Variants in EPHA6 observed in about 807,000 individuals in gnomAD.
EPHA6 encodes EPH receptor A6, also known as ephrin type-A receptor 6.
A neutral mutation model predicts 112.0 loss-of-function variants in EPHA6; 50 were observed. That is an observed-to-expected ratio of 0.45 (90% CI 0.36 to 0.56). The LOEUF (loss-of-function observed/expected upper bound fraction) is 0.56. EPHA6 is among the 20% of genes least tolerant of loss of function. The probability of loss-of-function intolerance (pLI) is 0.00; values close to 1 mark genes in which losing one functional copy is unlikely to be tolerated. For missense variants in EPHA6, 1,280 were observed against 1,417.4 expected (o/e 0.90, Z 1.56); for synonymous variants, 529 against 490.7 (o/e 1.08, Z -1.03).
intron 2 of EPHA6, among the ~76,000 whole-genome samples, chr3:96,868,768 T>C (rs77264170): frequency 0.023 from 3,468 of 152,116 alleles, 139 homozygotes; most frequent in African/African-American, 0.079. Context: ...AAAAAACTCT[T>C]CCTATAAAGA....
intron 1 of EPHA6, among the ~76,000 whole-genome samples, chr3:96,851,080 A>G (rs1183564582): frequency 1.3e-5 from 2 of 152,108 alleles, no homozygotes; most frequent in Non-Finnish European, 2.9e-5. Context: ...CTAATTAAGA[A>G]TATGGAATTA....
chr3:97,720,467 G>GTGTTAT lies in EPHA6; in HGVS notation c.2934+57_2934+58insTGTTAT, dbSNP rs1576349772. ...TGTGAATGTAAACACATTAGCTTGA[G>GTGTTAT]GGGGAATTATGCCTTTTGTCCTCAC... On this transcript the variant is annotated intron_variant, in intron 15 of 17. Coordinates refer to ENST00000389672, the MANE Select transcript of EPHA6 (RefSeq NM_001080448.3). The GTGTTAT allele has an allele frequency of 1.5e-5, 22 of 1,475,860 alleles. No individual in the cohort carries two copies. The East Asian group carries it at 5.2e-4, about 35-fold the overall frequency. 91.4% of individuals were successfully genotyped at this position (1,475,860 alleles called of 1,614,324 possible).
intron 3 of EPHA6, among the ~76,000 whole-genome samples, chr3:97,128,654 G>A (rs181823720): frequency 1.3e-5 from 2 of 151,808 alleles, no homozygotes; most frequent in Admixed American, 6.6e-5. Flanking sequence ...AGCTGGAACC[G>A]CAGGCACAGA....
intron 2 of EPHA6, among the ~76,000 whole-genome samples, chr3:96,873,080 C>T (rs894769561): frequency 1.3e-5 from 2 of 151,864 alleles, no homozygotes; most frequent in African/African-American, 4.8e-5. Context: ...CCAACCTGGC[C>T]AACATGGTGA....
intron 6 of EPHA6, among the ~76,000 whole-genome samples, chr3:97,431,166 TTTG>T (rs1359620135): frequency 6.6e-6 from 1 of 152,144 alleles, no homozygotes; most frequent in African/African-American, 2.4e-5. Context: ...TTTTTGAAAG[TTTG>T]TTATCTCAAT....
At chr3:97,225,566 A>G (rs1425405824) in intron 3 of EPHA6, among the ~76,000 whole-genome samples, 3 of 152,164 alleles carry the variant, frequency 2.0e-5, no homozygotes, top group Admixed American at 6.6e-5. Flanking sequence ...TTTATTAATA[A>G]GTTATTGAAG....
At chr3:97,324,405 T>TTTCC (rs2082269089) in intron 5 of EPHA6, among the ~76,000 whole-genome samples, 1 of 104,492 alleles carries the variant, frequency 9.6e-6, no homozygotes, top group Admixed American at 1.1e-4. Flanking sequence ...GCTTTCCTTC[T>TTTCC]TTTCTTTCTT....
intron 3 of EPHA6, among the ~76,000 whole-genome samples, chr3:97,060,911 C>G (rs1244173368): frequency 8.8e-6 from 1 of 113,690 alleles, no homozygotes; most frequent in Non-Finnish European, 1.7e-5. Context: ...GCGACAGAGC[C>G]AGACTCCGTC....
chr3:97,193,866 A>T (rs193183676), intron 3 of EPHA6, among the ~76,000 whole-genome samples: 2 of 152,122 alleles, frequency 1.3e-5, no homozygotes, highest in East Asian at 3.9e-4. Context: ...ATTGAATTTT[A>T]TCCAATGCTT....
At chr3:97,626,866 A>G (rs888652724) in intron 13 of EPHA6, among the ~76,000 whole-genome samples, 1 of 151,798 alleles carries the variant, frequency 6.6e-6, no homozygotes, top group Non-Finnish European at 1.5e-5. Flanking sequence ...CCATAATACT[A>G]GGTTGATGTT....
chr3:97,116,921 A>C (rs1048263108), intron 3 of EPHA6, among the ~76,000 whole-genome samples: 2 of 151,612 alleles, frequency 1.3e-5, no homozygotes, highest in Admixed American at 1.3e-4. Flanking sequence ...ACCATTTTTC[A>C]TAATTATTTA....
intron 2 of EPHA6, among the ~76,000 whole-genome samples, chr3:96,884,056 C>G (rs949753501): frequency 2.6e-5 from 4 of 152,120 alleles, no homozygotes; most frequent in Admixed American, 2.6e-4. Context: ...TCTGGATTCT[C>G]TATTCTGTTC....
intron 3 of EPHA6, among the ~76,000 whole-genome samples, chr3:97,119,887 G>A (rs949200673): frequency 2.0e-5 from 3 of 151,942 alleles, no homozygotes; most frequent in Admixed American, 6.6e-5. Context: ...ATTTCATTCA[G>A]GATCAGTATA....
At chr3:96,973,542 C>G (rs1194903904) in intron 2 of EPHA6, among the ~76,000 whole-genome samples, 1 of 151,922 alleles carries the variant, frequency 6.6e-6, no homozygotes, top group East Asian at 1.9e-4. Flanking sequence ...CTCTATATTG[C>G]TGGGCACAGT....
chr3:96,819,778 C>T (rs1387642537), intron 1 of EPHA6, among the ~76,000 whole-genome samples: 1 of 152,012 alleles, frequency 6.6e-6, no homozygotes, highest in Non-Finnish European at 1.5e-5. Context: ...ACATTCTGTT[C>T]TTGCATTATT....
At chr3:97,034,841 TC>T (rs1358264779) in intron 3 of EPHA6, among the ~76,000 whole-genome samples, 5 of 151,914 alleles carry the variant, frequency 3.3e-5, no homozygotes, top group Non-Finnish European at 7.4e-5. Flanking sequence ...CTCTTGTACT[TC>T]CTTTTGAACT....
chr3:97,498,169 C>A (rs1432062474), intron 10 of EPHA6, among the ~76,000 whole-genome samples: 7 of 152,076 alleles, frequency 4.6e-5, no homozygotes, highest in Non-Finnish European at 1.0e-4. Flanking sequence ...AATAACCCTT[C>A]TTTACCCCGT....
intron 3 of EPHA6, among the ~76,000 whole-genome samples, chr3:97,043,072 G>A (rs1401095001): frequency 6.6e-6 from 1 of 152,038 alleles, no homozygotes; most frequent in East Asian, 1.9e-4. Context: ...TATCTTTTTT[G>A]TTTAATCCTA....
At chr3:97,646,287 G>A (rs2094061977) in intron 14 of EPHA6, 1 of 1,529,932 alleles carries the variant, frequency 6.5e-7, no homozygotes, top group South Asian at 1.2e-5. Flanking sequence ...AAAGCAATGT[G>A]ACAAGAGAGA....
Sources: allele counts gnomAD v4.1 joint callset (sites outside exome capture counted in the v4.1 genomes callset), GRCh38; gene constraint gnomAD v4.1.1; transcripts MANE v1.5; gene names NCBI Gene and HGNC (gene_info 2026-07-23, HGNC 2026-07-21).